The following THTPA variants were observed in gnomAD, a reference collection of about 807,000 sequenced individuals.
THTPA encodes thiamine triphosphatase, also known as thiamine-triphosphatase.
Under a neutral mutation model 16.5 loss-of-function variants are expected in THTPA, and 16 were observed. The ratio of observed to expected loss-of-function variants is 0.97; its 90% CI spans 0.66 to 1.47. The LOEUF is 1.47. Ranked by LOEUF, THTPA falls within the 40% of genes most tolerant of loss-of-function variation. The pLI, the probability that THTPA is intolerant of heterozygous loss-of-function variation, is 0.00. For missense variants in THTPA, 281 were observed against 280.9 expected, an observed-to-expected ratio of 1.00 and a Z score of 0.00; for synonymous variants, 110 against 115.5, an observed-to-expected ratio of 0.95 and a Z score of 0.30.
the THTPA span, chr14:23,530,069 G>A: frequency 2.4e-5 from 35 of 1,460,942 alleles, no homozygotes; most frequent in South Asian, 6.0e-5. Context: ...GCAAGGTCCC[G>A]TGAGCGTCTC....
chr14:23,557,132 G>A lies in THTPA; in HGVS notation c.375G>A (p.Arg125=). The A allele has an allele frequency of 6.2e-7, 1 of 1,614,188 alleles. No homozygotes were observed. Among genetic ancestry groups the A allele is most frequent in the Non-Finnish European group, 8.5e-7 (1 of 1,180,030 alleles). ...LQEVASFVTK[R]SAWKLVLLGA... ...AAGTAGCTAGTTTTGTGACTAAGCG[G>A]AGTGCCTGGAAGCTGGTGCTCTTGG... Residue 125 remains arginine, a synonymous_variant, in exon 1 of 2, where the codon CGG becomes CGA. Coordinates refer to ENST00000288014, the MANE Select transcript of THTPA (RefSeq NM_024328.6).
At chr14:23,523,174 G>A in the THTPA span, 27 of 1,413,328 alleles carry the variant, frequency 1.9e-5, no homozygotes, top group Non-Finnish European at 2.2e-5. This position sits in a 1 kb window ranked among gnomAD's most constrained non-coding sequence, Gnocchi z 4.1. Context: ...GTTCTCTGAA[G>A]TCCAGCTCCT....
At chr14:23,524,793 C>G in the THTPA span, 28 of 1,536,690 alleles carry the variant, frequency 1.8e-5, no homozygotes, top group Admixed American at 3.9e-5. This position sits in a 1 kb window ranked among gnomAD's most constrained non-coding sequence, Gnocchi z 5.6. Flanking sequence ...TCTACTTCTT[C>G]TTCTTCCACC....
chr14:23,520,143 C>T, the THTPA span, among the ~76,000 whole-genome samples: 11 of 152,256 alleles, frequency 7.2e-5, no homozygotes, highest in South Asian at 2.1e-4. This position sits in a 1 kb window ranked among gnomAD's most constrained non-coding sequence, Gnocchi z 8.7. Context: ...GGTGATAACA[C>T]CCTATCAAAG....
chr14:23,522,325 C>G, the THTPA span: 1 of 1,529,772 alleles, frequency 6.5e-7, no homozygotes, highest in Non-Finnish European at 8.7e-7. Flanking sequence ...ACTGGCGGCA[C>G]AGGTAGCGAT....
At chr14:23,544,458 G>A in the THTPA span, among the ~76,000 whole-genome samples, 1 of 152,156 alleles carries the variant, frequency 6.6e-6, no homozygotes, top group Non-Finnish European at 1.5e-5. Context: ...TGTATGTGGG[G>A]CAGCTGGTAA....
the THTPA span, chr14:23,524,521 C>T: frequency 6.6e-7 from 1 of 1,525,986 alleles, no homozygotes; most frequent in South Asian, 1.2e-5. This position sits in a 1 kb window ranked among gnomAD's most constrained non-coding sequence, Gnocchi z 5.6. Flanking sequence ...CCAGCAAGGG[C>T]AGATCTAGGA....
the THTPA span, among the ~76,000 whole-genome samples, chr14:23,541,792 C>T: frequency 1.3e-5 from 2 of 150,352 alleles, no homozygotes. Context: ...AGATCCTTTC[C>T]AAGTCATCCC....
At chr14:23,544,607 T>A in the THTPA span, among the ~76,000 whole-genome samples, 3 of 152,098 alleles carry the variant, frequency 2.0e-5, no homozygotes, top group African/African-American at 7.2e-5. Context: ...TCCTGTTCAG[T>A]GTGTTGCTGT....
chr14:23,520,004 A>G, the THTPA span, among the ~76,000 whole-genome samples: 1 of 152,230 alleles, frequency 6.6e-6, no homozygotes, highest in Non-Finnish European at 1.5e-5. The surrounding 1 kb of genome is among the most constrained non-coding windows in gnomAD (Gnocchi z 8.7). Flanking sequence ...TTGCTAAAAG[A>G]AAACATGGAC....
the THTPA span, chr14:23,532,387 GGTCTCTTTCTCCAT>G: frequency 1.4e-6 from 1 of 692,808 alleles, no homozygotes; most frequent in Non-Finnish European, 2.1e-6. Flanking sequence ...ACTATCCTTT[GGTCTCTTTCTCCAT>G]GTCTGTCACT....
In THTPA at chr14:23,559,569, G is replaced by A; in HGVS notation, c.*729G>A. ...TCCACTTCAAATATACCCAAATATG[G>A]CTTTCCTCACTTCTCAGGCTTTATT... On this transcript the variant is annotated 3_prime_UTR_variant, in exon 2 of 2. Transcript: ENST00000288014. 1.6e-6 allele frequency: 1 copy of A among 608,030 alleles called. No homozygotes were observed. Among genetic ancestry groups the A allele is most frequent in the Non-Finnish European group, 3.0e-6 (1 of 338,650 alleles). The allele number at this position is 608,030 out of a possible 1,614,324, so 37.7% of individuals were successfully genotyped here.
chr14:23,523,271 G>A, the THTPA span: 67 of 1,436,758 alleles, frequency 4.7e-5, no homozygotes, highest in Non-Finnish European at 5.6e-5. This position sits in a 1 kb window ranked among gnomAD's most constrained non-coding sequence, Gnocchi z 4.1. Context: ...GAGGACCGGC[G>A]CCAGGCGAGG....
At chr14:23,523,793 C>T in the THTPA span, 1 of 1,536,146 alleles carries the variant, frequency 6.5e-7, no homozygotes, top group East Asian at 2.4e-5. This position sits in a 1 kb window ranked among gnomAD's most constrained non-coding sequence, Gnocchi z 4.1. Flanking sequence ...AGGTCCCCCA[C>T]TGGTCCCTCC....
Position 23,559,759 on chromosome 14 carries a change from G to C in THTPA, c.*919G>C, listed in dbSNP as rs768123425. On this transcript the variant is annotated 3_prime_UTR_variant, in exon 2 of 2. Coordinates refer to ENST00000288014, the MANE Select transcript of THTPA (RefSeq NM_024328.6). The stretch of plus-strand genomic sequence containing the variant: ...TGTGAGTGGAGACAGTTACTGCCAC[G>C]ATTCCACAGGCAAGTTGTTCACCTC... 1 of 1,614,096 alleles carries C rather than the reference G, an allele frequency of 6.2e-7. No individual in the cohort carries two copies. The highest frequency in any genetic ancestry group is 8.5e-7 in the Non-Finnish European group (1 of 1,179,980).
the THTPA span, chr14:23,526,013 C>T: frequency 1.5e-5 from 23 of 1,534,156 alleles, no homozygotes; most frequent in Admixed American, 4.5e-4. Flanking sequence ...GGTGTCAGGG[C>T]CCTTCTTCTC....
At chr14:23,532,266 T>C in the THTPA span, 1 of 288,926 alleles carries the variant, frequency 3.5e-6, no homozygotes, top group Non-Finnish European at 6.4e-6. Context: ...TGGAGTCTGG[T>C]TCCATCCTCT....
chr14:23,525,833 T>C, the THTPA span: 1 of 1,454,020 alleles, frequency 6.9e-7, no homozygotes, highest in East Asian at 2.5e-5. The surrounding 1 kb of genome is among the most constrained non-coding windows in gnomAD (Gnocchi z 5.9). Context: ...CTTGAGATCG[T>C]GGAGGTAGAA....
the THTPA span, among the ~76,000 whole-genome samples, chr14:23,515,242 C>T: frequency 6.6e-6 from 1 of 152,190 alleles, no homozygotes; most frequent in African/African-American, 2.4e-5. Flanking sequence ...TGTACTTATG[C>T]ATATTTCATT....
Sources: allele counts gnomAD v4.1 joint callset (sites outside exome capture counted in the v4.1 genomes callset), GRCh38; gene constraint gnomAD v4.1.1; non-coding constraint Gnocchi (gnomAD v3.1); transcripts MANE v1.5; gene names NCBI Gene and HGNC (gene_info 2026-07-23, HGNC 2026-07-21).